C3orf20: variants seen among roughly 807,000 people sequenced by gnomAD.
C3orf20 encodes the protein uncharacterized protein C3orf20.
In C3orf20, 76 loss-of-function variants were observed where a neutral mutation model predicts 88.3. The observed-to-expected ratio is 0.86, with a 90% CI of 0.72 to 1.04. The LOEUF is 1.04. C3orf20 is among the 50% of genes least tolerant of loss of function. The pLI, the probability that C3orf20 is intolerant of heterozygous loss-of-function variation, is 0.00. For missense variants in C3orf20, 1,056 were observed against 1,123.3 expected (o/e 0.94, Z 0.86); for synonymous variants, 436 against 437.4 (o/e 1.00, Z 0.04).
At chr3:14,759,079 C>A (rs1201170490) in intron 13 of C3orf20, among the ~76,000 whole-genome samples, 1 of 152,192 alleles carries the variant, frequency 6.6e-6, no homozygotes, top group African/African-American at 2.4e-5. Flanking sequence ...TGAGTGAGGA[C>A]AGGGCGTGGC....
At chr3:14,767,346 C>A (rs1419337795) in intron 15 of C3orf20, 1 of 152,408 alleles carries the variant, frequency 6.6e-6, no homozygotes, top group Admixed American at 6.5e-5. Context: ...GAAAAGATGA[C>A]CCCGGGCCCT....
intron 10 of C3orf20, 106 bp downstream of exon 10, chr3:14,721,890 A>G: frequency 1.4e-6 from 2 of 1,424,462 alleles, no homozygotes; most frequent in East Asian, 2.3e-5. Context: ...CCACCCTTCC[A>G]TGCAAGGCCC....
intron 12 of C3orf20, among the ~76,000 whole-genome samples, chr3:14,729,823 G>A (rs528305618): frequency 6.6e-6 from 1 of 152,336 alleles, no homozygotes; most frequent in Admixed American, 6.5e-5. Flanking sequence ...GGGATTACAG[G>A]CGTGAGCCAC....
chr3:14,734,490 T>A (rs2034642658), intron 12 of C3orf20, among the ~76,000 whole-genome samples: 1 of 152,156 alleles, frequency 6.6e-6, no homozygotes, highest in African/African-American at 2.4e-5. Flanking sequence ...AATTATACCA[T>A]TTCGGGATTG....
At chr3:14,734,051 T>A (rs529550146) in intron 12 of C3orf20, among the ~76,000 whole-genome samples, 1 of 152,196 alleles carries the variant, frequency 6.6e-6, no homozygotes, top group East Asian at 1.9e-4. Flanking sequence ...TCTCTAGTGA[T>A]ACCCTCTTTT....
chr3:14,728,736 G>A (rs1559425774), intron 12 of C3orf20, 48 bp downstream of exon 12: 4 of 1,590,944 alleles, frequency 2.5e-6, no homozygotes, highest in Non-Finnish European at 2.6e-6. Flanking sequence ...GTTGTGATGG[G>A]CAGTGGGCAC....
intron 12 of C3orf20, among the ~76,000 whole-genome samples, chr3:14,738,820 T>C (rs1282092862): frequency 1.4e-5 from 2 of 145,798 alleles, no homozygotes; most frequent in African/African-American, 5.0e-5. Flanking sequence ...TTTTTGTTTT[T>C]TTTTTTTTTT....
chr3:14,762,007 C>T (rs1040500566), intron 15 of C3orf20, among the ~76,000 whole-genome samples: 2 of 152,196 alleles, frequency 1.3e-5, no homozygotes, highest in Non-Finnish European at 2.9e-5. Flanking sequence ...GGCTACACCC[C>T]CTCTCTGTCC....
At chr3:14,681,932 G>A (rs1389885208) in intron 1 of C3orf20, among the ~76,000 whole-genome samples, 1 of 152,170 alleles carries the variant, frequency 6.6e-6, no homozygotes, top group African/African-American at 2.4e-5. Context: ...CATTACTGTA[G>A]TATTAAAGTG....
At chr3:14,705,573 T>C (rs1183929131) in intron 7 of C3orf20, among the ~76,000 whole-genome samples, 2 of 152,146 alleles carry the variant, frequency 1.3e-5, no homozygotes, top group Non-Finnish European at 2.9e-5. Context: ...AAAAGAGGGC[T>C]CCCTTTACAG....
chr3:14,675,999 A>G (rs1420912572), intron 1 of C3orf20, among the ~76,000 whole-genome samples: 3 of 152,050 alleles, frequency 2.0e-5, no homozygotes, highest in Non-Finnish European at 2.9e-5. Context: ...GCCCTCCACT[A>G]CATTTCTAAT....
At chr3:14,716,609 C>A (rs1389071174) in intron 9 of C3orf20, among the ~76,000 whole-genome samples, 1 of 152,168 alleles carries the variant, frequency 6.6e-6, no homozygotes. Flanking sequence ...TGAAATGCAC[C>A]CCCTCCTCTC....
At chr3:14,756,750 G>A (rs1246446826) in intron 12 of C3orf20, among the ~76,000 whole-genome samples, 1 of 152,232 alleles carries the variant, frequency 6.6e-6, no homozygotes, top group East Asian at 1.9e-4. Flanking sequence ...AGTAAGAGAT[G>A]TAAGGAGGAT....
At chr3:14,759,030 T>C (rs981207697) in intron 13 of C3orf20, among the ~76,000 whole-genome samples, 5 of 152,138 alleles carry the variant, frequency 3.3e-5, no homozygotes, top group African/African-American at 1.2e-4. Flanking sequence ...CCCTAAGCAA[T>C]TGGAGTGCTC....
intron 1 of C3orf20, among the ~76,000 whole-genome samples, chr3:14,677,525 A>T (rs1370059143): frequency 6.6e-6 from 1 of 151,178 alleles, no homozygotes; most frequent in African/African-American, 2.4e-5. Context: ...TTTAGACGGG[A>T]GTTTCGTTCC....
chr3:14,681,132 C>T (rs894123339), intron 1 of C3orf20, among the ~76,000 whole-genome samples: 2 of 152,184 alleles, frequency 1.3e-5, no homozygotes, highest in Admixed American at 1.3e-4. Context: ...GCCTCTGTGC[C>T]AGGAGTCTGC....
chr3:14,746,819 A>G (rs929010054), intron 12 of C3orf20, among the ~76,000 whole-genome samples: 1 of 152,258 alleles, frequency 6.6e-6, no homozygotes, highest in African/African-American at 2.4e-5. Context: ...TGTTGAGCTA[A>G]CATTATCCTG....
intron 7 of C3orf20, among the ~76,000 whole-genome samples, chr3:14,710,664 T>G (rs138090931): frequency 1.5e-3 from 230 of 152,310 alleles, no homozygotes; most frequent in African/African-American, 5.1e-3. Flanking sequence ...CTTTTGTTAG[T>G]GATTTCTAGT....
Position 14,772,436 on chromosome 3 carries a change from C to T in C3orf20, c.2630+235C>T, listed in dbSNP as rs2035886750. Among the ~76,000 whole-genome samples, 2 of 152,312 alleles carry T rather than the reference C, an allele frequency of 1.3e-5. No individual in the cohort carries two copies. The highest frequency in any genetic ancestry group is 2.1e-4 in the South Asian group (1 of 4,822). ...GCCTTTTGTAGACTTTGCAGCAGAA[C>T]CCCACAGCCCAGACCCATTAGTCTG... On this transcript the variant is annotated intron_variant, in intron 16 of 16. Transcript: ENST00000253697. The surrounding 1 kb of genome is among the most constrained non-coding windows in gnomAD (Gnocchi z 4.2).
Sources: allele counts gnomAD v4.1 joint callset (sites outside exome capture counted in the v4.1 genomes callset), GRCh38; gene constraint gnomAD v4.1.1; non-coding constraint Gnocchi (gnomAD v3.1); transcripts MANE v1.5; gene names NCBI Gene and HGNC (gene_info 2026-07-23, HGNC 2026-07-21).